The following UBE2H variants were observed in gnomAD, a reference collection of about 807,000 sequenced individuals.
UBE2H encodes ubiquitin conjugating enzyme E2 H.
Under a neutral mutation model 29.0 loss-of-function variants are expected in UBE2H, and 3 were observed. The ratio of observed to expected loss-of-function variants is 0.10; its 90% CI spans 0.05 to 0.27. The LOEUF (loss-of-function observed/expected upper bound fraction) is 0.27. Ranked by LOEUF, UBE2H falls within the 10% of genes least tolerant of loss-of-function variation. The pLI is 1.00. For missense variants in UBE2H, 68 were observed against 228.2 expected, an observed-to-expected ratio of 0.30 and a Z score of 4.52; for synonymous variants, 69 against 82.9, an observed-to-expected ratio of 0.83 and a Z score of 0.91.
At chr7:129,919,100 T>TAAAAAAAAAAAAAAAAAAA (rs1204331286) in intron 1 of UBE2H, among the ~76,000 whole-genome samples, 18 of 72,090 alleles carry the variant, frequency 2.5e-4, no homozygotes, top group Non-Finnish European at 3.7e-4. Context: ...AAAAACAAAG[T>TAAAAAAAAAAAAAAAAAAA]AAAAAAAAAA....
chr7:129,903,631 G>A (rs1012556089), intron 1 of UBE2H, among the ~76,000 whole-genome samples: 1 of 152,316 alleles, frequency 6.6e-6, no homozygotes, highest in Admixed American at 6.5e-5. Flanking sequence ...GCATGTGGTG[G>A]CTCACGTCTG....
chr7:129,924,528 G>T (rs1413085340), intron 1 of UBE2H, among the ~76,000 whole-genome samples: 1 of 151,870 alleles, frequency 6.6e-6, no homozygotes. Context: ...GATTCAAAAT[G>T]AGATTTTATG....
intron 1 of UBE2H, among the ~76,000 whole-genome samples, chr7:129,947,311 C>A (rs560955208): frequency 2.0e-5 from 3 of 152,182 alleles, no homozygotes; most frequent in Non-Finnish European, 4.4e-5. Context: ...TGAGAGTTGC[C>A]AAATCTTTAA....
intron 3 of UBE2H, among the ~76,000 whole-genome samples, chr7:129,876,017 T>C (rs1005982035): frequency 2.2e-4 from 33 of 152,208 alleles, no homozygotes; most frequent in Non-Finnish European, 3.8e-4. Flanking sequence ...TTACGCTCTC[T>C]CTTCTAAATT....
intron 3 of UBE2H, among the ~76,000 whole-genome samples, chr7:129,866,274 T>C (rs1445365881): frequency 1.3e-5 from 2 of 152,166 alleles, no homozygotes; most frequent in African/African-American, 4.8e-5. Context: ...TCTCTGGTAA[T>C]ATAGAGTCTG....
At chr7:129,930,927 A>AC (rs1374612395) in intron 1 of UBE2H, among the ~76,000 whole-genome samples, 27 of 145,174 alleles carry the variant, frequency 1.9e-4, no homozygotes, top group Middle Eastern at 3.7e-3. Context: ...AAAAAAAAAA[A>AC]AAAAAACAAG....
Position 129,879,726 on chromosome 7 carries a change from A to C in UBE2H, c.131-84T>G, listed in dbSNP as rs1806217258. 1.7e-5 allele frequency: 22 copies of C among 1,270,614 alleles called. No homozygotes were observed. The South Asian group carries it at 2.5e-4, about 14-fold the overall frequency. The allele number at this position is 1,270,614 out of a possible 1,614,324, so 78.7% of individuals were successfully genotyped here. A position where few individuals can be genotyped will look rare whatever the true frequency, so the allele number is the denominator to read the frequency against. On this transcript the variant is annotated intron_variant, in intron 2 of 6. Coordinates refer to ENST00000355621, the MANE Select transcript of UBE2H (RefSeq NM_003344.4). ...GAGTGTAAATTAAACATTATCCCCT[A>C]ATCTTCTGAAAACCTTCCAAATTAA...
chr7:129,925,810 G>A (rs1289018235), intron 1 of UBE2H, among the ~76,000 whole-genome samples: 1 of 152,162 alleles, frequency 6.6e-6, no homozygotes, highest in African/African-American at 2.4e-5. Flanking sequence ...TTAAGATTAA[G>A]TAATGCACTG....
chr7:129,835,616 G>A (rs1051127683), intron 6 of UBE2H, among the ~76,000 whole-genome samples: 1 of 152,096 alleles, frequency 6.6e-6, no homozygotes, highest in Non-Finnish European at 1.5e-5. Flanking sequence ...GACACCACTC[G>A]GCTCTGAGTG....
intron 5 of UBE2H, among the ~76,000 whole-genome samples, chr7:129,855,633 T>C (rs1563023476): frequency 2.0e-5 from 3 of 151,870 alleles, no homozygotes; most frequent in Admixed American, 6.6e-5. Context: ...TGCGTGTGTA[T>C]AGAGAGAGAG....
intron 1 of UBE2H, among the ~76,000 whole-genome samples, chr7:129,945,016 C>T (rs934480417): frequency 3.3e-5 from 5 of 151,690 alleles, no homozygotes; most frequent in Non-Finnish European, 5.9e-5. Flanking sequence ...AGAACCCACA[C>T]AAAAAGAGTA....
chr7:129,852,444 G>A lies in UBE2H; in HGVS notation c.298+5067C>T, dbSNP rs564714656. ...ATCGTGCCACTGCACTCCAGCCTGG[G>A]CGACAGAGCGAGACTCCGTCTCAAA... On this transcript the variant is annotated intron_variant, in intron 5 of 6. Transcript: ENST00000355621. Among the ~76,000 whole-genome samples, 3 of 151,348 alleles carry A rather than the reference G, an allele frequency of 2.0e-5. No homozygotes were observed. In the East Asian group the frequency reaches 5.8e-4, roughly 29 times the overall value.
At chr7:129,941,896 T>A (rs950079567) in intron 1 of UBE2H, among the ~76,000 whole-genome samples, 4 of 151,920 alleles carry the variant, frequency 2.6e-5, no homozygotes, top group Admixed American at 2.6e-4. Flanking sequence ...CAAAAAAAAA[T>A]TTTAAGCACC....
At chr7:129,847,991 G>A (rs1403804460) in intron 5 of UBE2H, among the ~76,000 whole-genome samples, 1 of 152,146 alleles carries the variant, frequency 6.6e-6, no homozygotes, top group Non-Finnish European at 1.5e-5. Flanking sequence ...CCCTGGATCA[G>A]GGCAGCCATC....
chr7:129,951,443 G>C (rs1461529448), intron 1 of UBE2H: 1 of 151,236 alleles, frequency 6.6e-6, no homozygotes. Flanking sequence ...CCAAGGACTA[G>C]CTGTTCAGAA....
In UBE2H at chr7:129,857,293, T is replaced by G. The variant is rs576128084; in HGVS notation, c.298+218A>C. ...CACATGTATCACTATACCTTAAGTT[T>G]GGAATCTCAAAAAATCATTTTAAAC... is the stretch of plus-strand genomic sequence containing the variant. On this transcript the variant is annotated intron_variant, in intron 5 of 6. Coordinates refer to ENST00000355621, the MANE Select transcript of UBE2H (RefSeq NM_003344.4). The G allele has an allele frequency of 2.7e-5, 15 of 563,968 alleles. No individual in the cohort carries two copies. In the East Asian group the frequency reaches 4.1e-4, roughly 15 times the overall value. 34.9% of individuals were successfully genotyped at this position (563,968 alleles called of 1,614,324 possible).
At chr7:129,848,936 C>T (rs1805560342) in intron 5 of UBE2H, among the ~76,000 whole-genome samples, 1 of 148,560 alleles carries the variant, frequency 6.7e-6, no homozygotes. Flanking sequence ...AGATTTTCCT[C>T]AAGGGTGTAT....
chr7:129,927,092 C>T (rs537280928), intron 1 of UBE2H, among the ~76,000 whole-genome samples: 3 of 152,166 alleles, frequency 2.0e-5, no homozygotes, highest in South Asian at 4.1e-4. Flanking sequence ...CTTTTTAAAA[C>T]GTACTTCTAA....
intron 1 of UBE2H, among the ~76,000 whole-genome samples, chr7:129,930,579 G>T (rs1211446725): frequency 1.3e-5 from 2 of 151,870 alleles, no homozygotes; most frequent in Non-Finnish European, 2.9e-5. Flanking sequence ...GACCAGCCTG[G>T]CCAACATGGT....
Sources: allele counts gnomAD v4.1 joint callset (sites outside exome capture counted in the v4.1 genomes callset), GRCh38; gene constraint gnomAD v4.1.1; transcripts MANE v1.5; gene names NCBI Gene and HGNC (gene_info 2026-07-23, HGNC 2026-07-21).